The following PLPPR1 variants were observed in gnomAD, a reference collection of about 807,000 sequenced individuals.
The protein encoded by PLPPR1 is phospholipid phosphatase-related protein type 1.
PLPPR1 carries 10 observed loss-of-function variants against 33.1 expected under a neutral mutation model. The ratio of observed to expected loss-of-function variants is 0.30; its 90% CI spans 0.19 to 0.51. PLPPR1 has a LOEUF of 0.51. Among genes scored for constraint, PLPPR1 ranks in the 20% least tolerant of loss-of-function variants. The probability of loss-of-function intolerance (pLI) is 0.97; values close to 1 mark genes in which losing one functional copy is unlikely to be tolerated. For missense variants in PLPPR1, 304 were observed against 408.1 expected, an observed-to-expected ratio of 0.74 and a Z score of 2.20; for synonymous variants, 151 against 151.0, an observed-to-expected ratio of 1.00 and a Z score of 0.00.
chr9:101,300,179 A>G (rs1368023253), intron 4 of PLPPR1, among the ~76,000 whole-genome samples: 1 of 151,968 alleles, frequency 6.6e-6, no homozygotes, highest in Admixed American at 6.6e-5. Context: ...CAACTTACTT[A>G]TTTTTATTTT....
chr9:101,053,312 C>A (rs1564131275), intron 1 of PLPPR1, among the ~76,000 whole-genome samples: 1 of 152,108 alleles, frequency 6.6e-6, no homozygotes, highest in African/African-American at 2.4e-5. Context: ...ACTTTACCTC[C>A]TAAAGGTCTC....
chr9:101,082,417 GA>G (rs1830631371), intron 1 of PLPPR1, among the ~76,000 whole-genome samples: 1 of 152,064 alleles, frequency 6.6e-6, no homozygotes, highest in African/African-American at 2.4e-5. Flanking sequence ...CCCCACCAAG[GA>G]GGGGATTTTT....
intron 1 of PLPPR1, among the ~76,000 whole-genome samples, chr9:101,154,868 A>T (rs867090779): frequency 4.7e-5 from 7 of 150,058 alleles, no homozygotes; most frequent in Non-Finnish European, 7.4e-5. Flanking sequence ...AGGACAAAAA[A>T]CCAAACACCG....
At chr9:101,098,314 G>C (rs1056413920) in intron 1 of PLPPR1, among the ~76,000 whole-genome samples, 2 of 147,992 alleles carry the variant, frequency 1.4e-5, no homozygotes, top group Non-Finnish European at 3.0e-5. Flanking sequence ...CAGGTAGAAC[G>C]AATAAATGAG....
chr9:101,205,488 A>T (rs1826572113), intron 2 of PLPPR1, among the ~76,000 whole-genome samples: 1 of 152,192 alleles, frequency 6.6e-6, no homozygotes, highest in South Asian at 2.1e-4. Context: ...TCTACAGGAA[A>T]ATAAATAGTA....
chr9:101,214,435 T>C (rs929957968), intron 2 of PLPPR1, among the ~76,000 whole-genome samples: 5 of 152,122 alleles, frequency 3.3e-5, no homozygotes, highest in Middle Eastern at 3.4e-3. Context: ...CACACACACA[T>C]ATACACACAC....
In PLPPR1 at chr9:101,181,754, C is replaced by T. The variant is rs1036980366; in HGVS notation, c.-45-3696C>T. On this transcript the variant is annotated intron_variant, in intron 1 of 7. Coordinates refer to ENST00000374874, the MANE Select transcript of PLPPR1 (RefSeq NM_207299.2). ...GTGTGTGTGTATATATACACACACA[C>T]AACACACATACATATATACACACAC... 2.7e-3 allele frequency among the ~76,000 whole-genome samples: 126 copies of T among 45,874 alleles called. 1 individual carries two copies. The highest frequency in any genetic ancestry group is 9.3e-3 in the African/African-American group (120 of 12,888). The allele number at this position is 45,874 out of a possible 152,430, so 30.1% of individuals were successfully genotyped here. A position where few individuals can be genotyped will look rare whatever the true frequency, so the allele number is the denominator to read the frequency against.
intron 1 of PLPPR1, among the ~76,000 whole-genome samples, chr9:101,029,995 GT>G (rs138800457): frequency 6.6e-6 from 1 of 151,814 alleles, no homozygotes; most frequent in East Asian, 1.9e-4. Context: ...GGGATGTCGG[GT>G]TTTTTTCCTT....
intron 2 of PLPPR1, among the ~76,000 whole-genome samples, chr9:101,198,557 C>T (rs759060663): frequency 1.3e-5 from 2 of 152,182 alleles, no homozygotes; most frequent in African/African-American, 4.8e-5. Flanking sequence ...TGTGGTGTAT[C>T]TTCACATACA....
At chr9:101,181,999 GTA>G (rs1056649600) in intron 1 of PLPPR1, among the ~76,000 whole-genome samples, 4 of 150,762 alleles carry the variant, frequency 2.7e-5, no homozygotes, top group African/African-American at 9.7e-5. Flanking sequence ...CACCTAGGTA[GTA>G]TATATATAGT....
At chr9:101,165,248 G>A (rs1430343635) in intron 1 of PLPPR1, among the ~76,000 whole-genome samples, 1 of 152,166 alleles carries the variant, frequency 6.6e-6, no homozygotes, top group African/African-American at 2.4e-5. Flanking sequence ...AAGAGATGGT[G>A]ATTTTCTCAC....
intron 1 of PLPPR1, among the ~76,000 whole-genome samples, chr9:101,091,117 G>C (rs1299713000): frequency 1.3e-5 from 2 of 151,974 alleles, no homozygotes; most frequent in South Asian, 2.1e-4. Context: ...CAGTATTGCA[G>C]AACTCCAAAT....
In PLPPR1 at chr9:101,263,520, C is replaced by G. The variant is rs150436063; in HGVS notation, c.64-6360C>G. 4.9e-3 allele frequency among the ~76,000 whole-genome samples: 739 copies of G among 152,290 alleles called. 7 individuals carry two copies. The highest frequency in any genetic ancestry group is 0.017 in the African/African-American group (702 of 41,572). On this transcript the variant is annotated intron_variant, in intron 2 of 7. Coordinates refer to ENST00000374874, the MANE Select transcript of PLPPR1 (RefSeq NM_207299.2). ...AGGAATACATAAACACACCTCACTG[C>G]ATTTTTGTGAGACGATTATTAACCT... is the stretch of plus-strand genomic sequence containing the variant.
At chr9:101,129,059 T>C (rs1831282539) in intron 1 of PLPPR1, among the ~76,000 whole-genome samples, 2 of 152,142 alleles carry the variant, frequency 1.3e-5, no homozygotes, top group Admixed American at 1.3e-4. Context: ...CTAAAGGTGT[T>C]CTCATTACTT....
At chr9:101,058,730 AG>A (rs1306383097) in intron 1 of PLPPR1, among the ~76,000 whole-genome samples, 4 of 152,266 alleles carry the variant, frequency 2.6e-5, no homozygotes, top group Admixed American at 2.6e-4. Flanking sequence ...CCCATTTTAT[AG>A]GCAAAAGAGT....
chr9:101,283,119 G>A (rs913656573), intron 3 of PLPPR1, among the ~76,000 whole-genome samples: 22 of 151,974 alleles, frequency 1.4e-4, no homozygotes, highest in South Asian at 2.1e-4. Flanking sequence ...TCACAGCCGT[G>A]AGCCACCACA....
intron 6 of PLPPR1, among the ~76,000 whole-genome samples, chr9:101,313,343 G>A (rs1163277305): frequency 6.6e-6 from 1 of 152,164 alleles, no homozygotes; most frequent in East Asian, 1.9e-4. Context: ...AAAGCTAAGT[G>A]TTCCTTGAGG....
chr9:101,200,165 A>C (rs1588069395), intron 2 of PLPPR1, among the ~76,000 whole-genome samples: 1 of 151,986 alleles, frequency 6.6e-6, no homozygotes, highest in Non-Finnish European at 1.5e-5. Context: ...TCAACTAAAG[A>C]AGGAGGGGTG....
chr9:101,057,081 GC>G (rs985284383), intron 1 of PLPPR1, among the ~76,000 whole-genome samples: 73 of 152,206 alleles, frequency 4.8e-4, no homozygotes, highest in African/African-American at 1.7e-3. Context: ...ATGTTGTTCT[GC>G]CCACCTTGAA....
Sources: gnomAD v4.1 joint callset for allele counts (sites outside exome capture counted in the v4.1 genomes callset) on GRCh38, gnomAD v4.1.1 for gene constraint, MANE v1.5 for transcripts, NCBI Gene and HGNC (gene_info 2026-07-23, HGNC 2026-07-21) for gene names.